CCSER1: variants seen among roughly 807,000 people sequenced by gnomAD.
CCSER1 encodes serine-rich coiled-coil domain-containing protein 1.
In CCSER1, 41 loss-of-function variants were observed where a neutral mutation model predicts 82.0. That is an observed-to-expected ratio of 0.50 (90% CI 0.39 to 0.65). The LOEUF is 0.65. CCSER1 is among the 30% of genes least tolerant of loss of function. The pLI is 0.00. For synonymous variants in CCSER1, 414 were observed against 383.9 expected (o/e 1.08, Z -0.92); for missense variants, 1,119 against 1,064.2 (o/e 1.05, Z -0.72).
At chr4:90,442,387 G>A (rs1245562206) in intron 4 of CCSER1, among the ~76,000 whole-genome samples, 1 of 152,020 alleles carries the variant, frequency 6.6e-6, no homozygotes, top group Non-Finnish European at 1.5e-5. Context: ...GGTCCCCAAG[G>A]ACCACCAGAA....
intron 7 of CCSER1, among the ~76,000 whole-genome samples, chr4:90,728,747 A>G (rs1386577877): frequency 6.6e-6 from 1 of 152,198 alleles, no homozygotes; most frequent in African/African-American, 2.4e-5. Flanking sequence ...TTACGTGACC[A>G]TAGAGCCTGG....
chr4:91,202,251 C>G (rs554431658), intron 10 of CCSER1, among the ~76,000 whole-genome samples: 2 of 151,318 alleles, frequency 1.3e-5, no homozygotes, highest in Admixed American at 1.3e-4. Context: ...TATTTCTTAT[C>G]TTGCTACTCT....
intron 7 of CCSER1, among the ~76,000 whole-genome samples, chr4:90,757,259 G>C (rs890075829): frequency 3.9e-5 from 6 of 152,142 alleles, no homozygotes; most frequent in African/African-American, 1.4e-4. Flanking sequence ...AAAGGAGTTT[G>C]GTTGTATAGA....
At chr4:90,872,163 T>C (rs752646137) in intron 8 of CCSER1, among the ~76,000 whole-genome samples, 2 of 151,912 alleles carry the variant, frequency 1.3e-5, no homozygotes, top group Non-Finnish European at 2.9e-5. Flanking sequence ...TCCATTTGGA[T>C]TCAATGTTAT....
At chr4:90,665,145 T>G (rs375406919) in intron 6 of CCSER1, among the ~76,000 whole-genome samples, 1 of 151,994 alleles carries the variant, frequency 6.6e-6, no homozygotes, top group Non-Finnish European at 1.5e-5. Context: ...TTATATTAGG[T>G]GGTAGGATAT....
intron 1 of CCSER1, among the ~76,000 whole-genome samples, chr4:90,233,445 G>A (rs941517818): frequency 1.3e-5 from 2 of 152,058 alleles, no homozygotes; most frequent in Admixed American, 1.3e-4. Flanking sequence ...GACACAGGAA[G>A]GGGAACATCA....
At chr4:91,546,815 C>T (rs987589583) in intron 10 of CCSER1, among the ~76,000 whole-genome samples, 2 of 151,836 alleles carry the variant, frequency 1.3e-5, no homozygotes, top group African/African-American at 4.8e-5. Context: ...TGGATATTTA[C>T]ATGATTGATT....
At chr4:91,429,683 C>T (rs529685820) in intron 10 of CCSER1, among the ~76,000 whole-genome samples, 43 of 151,820 alleles carry the variant, frequency 2.8e-4, no homozygotes, top group African/African-American at 8.9e-4. Flanking sequence ...TTTATGCACA[C>T]GATAAATATA....
chr4:91,469,117 A>G (rs1314869204), intron 10 of CCSER1, among the ~76,000 whole-genome samples: 1 of 152,184 alleles, frequency 6.6e-6, no homozygotes, highest in South Asian at 2.1e-4. Flanking sequence ...CCAAATCTAC[A>G]TTGGATCTTT....
intron 7 of CCSER1, among the ~76,000 whole-genome samples, chr4:90,778,120 A>T (rs932371154): frequency 6.6e-6 from 1 of 152,206 alleles, no homozygotes; most frequent in East Asian, 1.9e-4. Flanking sequence ...TCTCAAAAAC[A>T]TAACCACTAT....
chr4:91,598,921 A>G lies in CCSER1; in HGVS notation c.2567A>G (p.His856Arg), dbSNP rs1309431615. 1 of 1,551,608 alleles carries G rather than the reference A, an allele frequency of 6.4e-7. No individual in the cohort carries two copies. Among genetic ancestry groups the G allele is most frequent in the Non-Finnish European group, 8.7e-7 (1 of 1,146,926 alleles). Residue 856 changes from histidine to arginine, a missense_variant, in exon 11 of 11, where the codon CAT (histidine) becomes CGT (arginine). Transcript: ENST00000509176. ...GACCAAGTTGCTACGGCCCGACAGC[A>G]TTCGACCTTTACAGGCAGGTTTGGA... Reference protein sequence around the residue: ...PKDQVATARQHSTFTGRFGQP... With the variant: ...PKDQVATARQRSTFTGRFGQP...
intron 5 of CCSER1, among the ~76,000 whole-genome samples, chr4:90,546,317 A>G (rs754134967): frequency 2.6e-5 from 4 of 152,164 alleles, no homozygotes; most frequent in Non-Finnish European, 5.9e-5. Flanking sequence ...AATTCAGTGT[A>G]AGACAATGAC....
chr4:90,660,319 A>G (rs56915480), intron 6 of CCSER1, among the ~76,000 whole-genome samples: 77,700 of 151,776 alleles, frequency 0.51, 20,133 homozygotes, highest in Middle Eastern at 0.67. Context: ...AAAGAAAATG[A>G]TATCTATGCA....
rs1195533838 is a variant in CCSER1, at chr4:91,485,158, T to TA, written c.2218-113404dup. ...ATAACATTTCTTTGGTATGAAACAG[T>TA]AAAAAAAAAATGAATAGGAAATGAC... On this transcript the variant is annotated intron_variant, in intron 10 of 10. Transcript: ENST00000509176. Among the ~76,000 whole-genome samples the TA allele has an allele frequency of 8.5e-4, 127 of 148,896 alleles. No individual in the cohort carries two copies. In the East Asian group the frequency reaches 0.01, roughly 12 times the overall value.
intron 10 of CCSER1, among the ~76,000 whole-genome samples, chr4:91,546,311 C>T (rs1761886627): frequency 6.6e-6 from 1 of 152,026 alleles, no homozygotes; most frequent in African/African-American, 2.4e-5. Flanking sequence ...TTCTGCTTCC[C>T]TGTTCTGGAA....
chr4:91,576,826 G>T (rs1011279411), intron 10 of CCSER1, among the ~76,000 whole-genome samples: 2 of 151,752 alleles, frequency 1.3e-5, no homozygotes, highest in Non-Finnish European at 2.9e-5. Flanking sequence ...TGAGCATTTT[G>T]GATTTTAAAT....
chr4:90,807,929 C>G (rs1311744055), intron 7 of CCSER1, among the ~76,000 whole-genome samples: 1 of 151,986 alleles, frequency 6.6e-6, no homozygotes, highest in Non-Finnish European at 1.5e-5. Context: ...AAAAAGAGTG[C>G]TAATAGCCAA....
At chr4:90,323,948 C>T (rs1203092007) in intron 3 of CCSER1, among the ~76,000 whole-genome samples, 1 of 152,064 alleles carries the variant, frequency 6.6e-6, no homozygotes, top group Non-Finnish European at 1.5e-5. Flanking sequence ...CGATAGTTTA[C>T]TGAGAATGAT....
intron 9 of CCSER1, among the ~76,000 whole-genome samples, chr4:90,963,717 C>A (rs765984408): frequency 6.6e-6 from 1 of 152,072 alleles, no homozygotes; most frequent in African/African-American, 2.4e-5. Flanking sequence ...AGAATCCCAG[C>A]CTCCATAATT....
Sources: allele counts gnomAD v4.1 joint callset (sites outside exome capture counted in the v4.1 genomes callset), GRCh38; gene constraint gnomAD v4.1.1; transcripts MANE v1.5; gene names NCBI Gene and HGNC (gene_info 2026-07-23, HGNC 2026-07-21).